OSTN: variants seen among roughly 807,000 people sequenced by gnomAD.
OSTN encodes the protein osteocrin.
Under a neutral mutation model 12.0 loss-of-function variants are expected in OSTN, and 9 were observed. The observed-to-expected ratio is 0.75, with a 90% CI of 0.45 to 1.30. OSTN has a LOEUF of 1.30. Among genes scored for constraint, OSTN ranks in the 50% most tolerant of loss-of-function variants. The pLI is 0.00. For missense variants in OSTN, 148 were observed against 152.3 expected (o/e 0.97, Z 0.15); for synonymous variants, 59 against 56.9 (o/e 1.04, Z -0.16).
intron 1 of OSTN, among the ~76,000 whole-genome samples, chr3:191,210,717 CT>C (rs527442069): frequency 6.6e-6 from 1 of 151,988 alleles, no homozygotes; most frequent in East Asian, 1.9e-4. Context: ...TTCCAAATGA[CT>C]TTTTTTTAAG....
At position 191,220,020 on chromosome 3, in the gene OSTN, C is replaced by T. The variant is rs369532788; in HGVS notation, c.317+1059C>T. On this transcript the variant is annotated intron_variant, in intron 3 of 4. Coordinates refer to ENST00000682035, the MANE Select transcript of OSTN (RefSeq NM_198184.2). Reference sequence around the variant, plus strand: ...TGTGTGAAATGTTATCCATTGCTTACAGTACAAAAGTCAAACTCCTTTGCA... The same window carrying T: ...TGTGTGAAATGTTATCCATTGCTTATAGTACAAAAGTCAAACTCCTTTGCA... Among the ~76,000 whole-genome samples the T allele has an allele frequency of 9.2e-5, 14 of 152,188 alleles. No individual in the cohort carries two copies. In the East Asian group the frequency reaches 1.9e-3, roughly 21 times the overall value.
At chr3:191,219,896 C>T (rs142677876) in intron 3 of OSTN, among the ~76,000 whole-genome samples, 2 of 152,066 alleles carry the variant, frequency 1.3e-5, no homozygotes, top group Non-Finnish European at 2.9e-5. Context: ...TATTCTTTCT[C>T]CACTCTTTCC....
At chr3:191,253,677 G>T (rs765423270) in intron 4 of OSTN, among the ~76,000 whole-genome samples, 10 of 152,148 alleles carry the variant, frequency 6.6e-5, no homozygotes, top group Non-Finnish European at 1.3e-4. Flanking sequence ...AGCCCTCAGA[G>T]AATTTAGATG....
intron 1 of OSTN, among the ~76,000 whole-genome samples, chr3:191,202,544 A>G (rs764616461): frequency 1.3e-5 from 2 of 152,158 alleles, no homozygotes; most frequent in Non-Finnish European, 2.9e-5. Flanking sequence ...ATACTTTTCC[A>G]TTTATTATGT....
chr3:191,252,590 T>G (rs1325749192), intron 4 of OSTN, among the ~76,000 whole-genome samples: 1 of 152,214 alleles, frequency 6.6e-6, no homozygotes, highest in African/African-American at 2.4e-5. Flanking sequence ...GAAAAGAATT[T>G]ATCATATATT....
At chr3:191,220,434 C>CA (rs1044432029) in intron 3 of OSTN, among the ~76,000 whole-genome samples, 3 of 150,976 alleles carry the variant, frequency 2.0e-5, no homozygotes, top group African/African-American at 4.9e-5. Context: ...TTACATACCT[C>CA]AAAAAAAATC....
intron 4 of OSTN, among the ~76,000 whole-genome samples, chr3:191,252,287 G>A (rs946988787): frequency 2.6e-5 from 4 of 152,084 alleles, no homozygotes; most frequent in African/African-American, 7.2e-5. Context: ...GGATGGTCTC[G>A]ATCTCCTGAC....
intron 4 of OSTN, among the ~76,000 whole-genome samples, chr3:191,251,490 G>T (rs545692923): frequency 1.4e-4 from 22 of 152,160 alleles, no homozygotes; most frequent in South Asian, 1.0e-3. Flanking sequence ...TAATTTAGAG[G>T]CCCCAAAAGT....
At chr3:191,225,362 T>G (rs1195456372) in intron 3 of OSTN, among the ~76,000 whole-genome samples, 2 of 152,210 alleles carry the variant, frequency 1.3e-5, no homozygotes, top group Non-Finnish European at 2.9e-5. Flanking sequence ...CAGATTCAGA[T>G]ATTTTCACAG....
intron 2 of OSTN, among the ~76,000 whole-genome samples, chr3:191,217,410 A>T (rs577690758): frequency 6.6e-6 from 1 of 152,152 alleles, no homozygotes; most frequent in African/African-American, 2.4e-5. Context: ...AGTGAAGAAA[A>T]CTCAAAACCA....
intron 3 of OSTN, among the ~76,000 whole-genome samples, chr3:191,249,820 G>C (rs1462913211): frequency 6.6e-6 from 1 of 152,124 alleles, no homozygotes; most frequent in Non-Finnish European, 1.5e-5. Context: ...CTAAGCCTCA[G>C]TTTCCTCATA....
chr3:191,201,563 T>A lies in OSTN; in HGVS notation c.-1+2256T>A, dbSNP rs568036016. Among the ~76,000 whole-genome samples, 4 of 152,262 alleles carry A rather than the reference T, an allele frequency of 2.6e-5. No homozygotes were observed. In the South Asian group the frequency reaches 8.3e-4, roughly 32 times the overall value. ...TGCCTTCAGTACAGCTGAGCTTTCT[T>A]TTGTTTCTTTCCCAGGATTACATTT... is the stretch of plus-strand genomic sequence containing the variant. On this transcript the variant is annotated intron_variant, in intron 1 of 4. Coordinates refer to ENST00000682035, the MANE Select transcript of OSTN (RefSeq NM_198184.2).
chr3:191,236,565 C>T (rs762396471), intron 3 of OSTN, among the ~76,000 whole-genome samples: 5 of 151,652 alleles, frequency 3.3e-5, no homozygotes, highest in Non-Finnish European at 7.4e-5. Context: ...AAAAACAATC[C>T]TTGGGGAGAT....
chr3:191,241,713 A>T (rs1378689120), intron 3 of OSTN, among the ~76,000 whole-genome samples: 1 of 152,224 alleles, frequency 6.6e-6, no homozygotes, highest in Non-Finnish European at 1.5e-5. Flanking sequence ...ATCAAACAAC[A>T]TCTAGACATG....
At chr3:191,225,834 G>C (rs1224901051) in intron 3 of OSTN, among the ~76,000 whole-genome samples, 1 of 151,916 alleles carries the variant, frequency 6.6e-6, no homozygotes, top group African/African-American at 2.4e-5. Context: ...AAGGTGGAAG[G>C]GAAGAGAGAG....
Position 191,263,594 on chromosome 3 carries a change from A to G in OSTN, c.*741A>G, listed in dbSNP as rs1715857404. The G allele has an allele frequency of 6.6e-6, 1 of 152,220 alleles. No homozygotes were observed. 9.4% of individuals were successfully genotyped at this position (152,220 alleles called of 1,614,324 possible). ...AAAAATGAAAGTAGGAGGGAAGTCA[A>G]AGAATTACCACCAGAACAGGTTAGG... is the stretch of plus-strand genomic sequence containing the variant. On this transcript the variant is annotated 3_prime_UTR_variant, in exon 5 of 5. Transcript: ENST00000682035.
chr3:191,216,307 C>T (rs373414582), intron 2 of OSTN, among the ~76,000 whole-genome samples: 11 of 152,318 alleles, frequency 7.2e-5, no homozygotes, highest in South Asian at 4.1e-4. Flanking sequence ...CCTCCTAGGC[C>T]GCTGGGCCTG....
intron 4 of OSTN, among the ~76,000 whole-genome samples, chr3:191,250,613 A>C (rs574559912): frequency 7.7e-4 from 117 of 152,324 alleles, no homozygotes; most frequent in African/African-American, 2.6e-3. Flanking sequence ...GAATCAAAAC[A>C]CTTTATCCAA....
At chr3:191,247,766 A>C (rs1240532994) in intron 3 of OSTN, among the ~76,000 whole-genome samples, 1 of 152,234 alleles carries the variant, frequency 6.6e-6, no homozygotes, top group Non-Finnish European at 1.5e-5. Context: ...AGAACTTATC[A>C]ATGTTTATAG....
Sources: allele counts gnomAD v4.1 joint callset (sites outside exome capture counted in the v4.1 genomes callset), GRCh38; gene constraint gnomAD v4.1.1; transcripts MANE v1.5; gene names NCBI Gene and HGNC (gene_info 2026-07-23, HGNC 2026-07-21).